Variants in ZGRF1 observed in about 807,000 individuals in gnomAD.
ZGRF1 encodes the protein 5'-3' DNA helicase ZGRF1.
In ZGRF1, 196 loss-of-function variants were observed where a neutral mutation model predicts 203.5. That is an observed-to-expected ratio of 0.96 (90% CI 0.86 to 1.08). ZGRF1 has a LOEUF of 1.08. Ranked by LOEUF, ZGRF1 falls within the 50% of genes least tolerant of loss-of-function variation. The pLI is 0.00. For synonymous variants in ZGRF1, 809 were observed against 841.3 expected, an observed-to-expected ratio of 0.96 and a Z score of 0.66; for missense variants, 2,326 against 2,416.3, an observed-to-expected ratio of 0.96 and a Z score of 0.78.
At chr4:112,632,332 G>A (rs142348747) in intron 2 of ZGRF1, among the ~76,000 whole-genome samples, 2 of 151,988 alleles carry the variant, frequency 1.3e-5, no homozygotes, top group African/African-American at 4.8e-5. Context: ...AATGAGCATT[G>A]AAAGTAATTT....
At chr4:112,623,910 C>A (rs745601464) in intron 3 of ZGRF1, 34 bp from the exon 4 acceptor site, 1 of 1,124,668 alleles carries the variant, frequency 8.9e-7, no homozygotes, top group South Asian at 1.3e-5. Flanking sequence ...TAAAAAGGAA[C>A]AACACAATTA....
rs141043277 is a variant in ZGRF1 at position 112,634,415 on chromosome 4, C to T, written c.-66-1173G>A. On this transcript the variant is annotated intron_variant, in intron 1 of 27. Coordinates refer to ENST00000505019, the MANE Select transcript of ZGRF1 (RefSeq NM_018392.5). ...CTGTGATCCCAGCACTTTGGGAGGC[C>T]GAGACAGGTGGATCACCTGAGGTCA... 7.1e-3 allele frequency among the ~76,000 whole-genome samples: 1,086 copies of T among 152,144 alleles called. 32 individuals carry two copies. The East Asian group carries it at 0.094, about 13-fold the overall frequency.
chr4:112,556,517 G>A (rs1183052816), intron 20 of ZGRF1, among the ~76,000 whole-genome samples: 1 of 152,138 alleles, frequency 6.6e-6, no homozygotes, highest in Non-Finnish European at 1.5e-5. Flanking sequence ...AGCTGCCCAA[G>A]TAGCTGGAAT....
chr4:112,621,424 C>T (rs771430199), intron 4 of ZGRF1, among the ~76,000 whole-genome samples: 2 of 151,920 alleles, frequency 1.3e-5, no homozygotes, highest in East Asian at 2.0e-4. Context: ...CCGAGGTGGG[C>T]GGATCACCTG....
At chr4:112,549,965 G>A (rs1265731656) in intron 22 of ZGRF1, among the ~76,000 whole-genome samples, 1 of 152,042 alleles carries the variant, frequency 6.6e-6, no homozygotes, top group Non-Finnish European at 1.5e-5. Flanking sequence ...GGCTGAGGCG[G>A]GCAGATCACG....
At chr4:112,613,068 C>T (rs1374401604) in intron 6 of ZGRF1, among the ~76,000 whole-genome samples, 1 of 152,114 alleles carries the variant, frequency 6.6e-6, no homozygotes, top group African/African-American at 2.4e-5. Flanking sequence ...CCAAGGCAGG[C>T]AGATCACTTG....
intron 1 of ZGRF1, among the ~76,000 whole-genome samples, chr4:112,633,936 G>C (rs1161111694): frequency 6.6e-6 from 1 of 152,168 alleles, no homozygotes. Context: ...AAGTCAGAAA[G>C]TCTGGGGTTG....
In ZGRF1 at chr4:112,540,807, T is replaced by G; in HGVS notation, c.5910+14A>C. 1 of 1,573,180 alleles carries G rather than the reference T, an allele frequency of 6.4e-7. No individual in the cohort carries two copies. Among genetic ancestry groups the G allele is most frequent in the Non-Finnish European group, 8.7e-7 (1 of 1,155,368 alleles). On this transcript the variant is annotated intron_variant, in intron 26 of 27. Coordinates refer to ENST00000505019, the MANE Select transcript of ZGRF1 (RefSeq NM_018392.5). ...ATTTAATATATGGCAAATACTGTAA[T>G]ACATAATACCAACCTTGTACATCTG...
chr4:112,571,102 C>CAAA (rs11423362), intron 16 of ZGRF1, among the ~76,000 whole-genome samples: 1 of 121,702 alleles, frequency 8.2e-6, no homozygotes. Context: ...GACTGCATTT[C>CAAA]AAAAAAAAAA....
Position 112,630,355 on chromosome 4 carries a change from T to C in ZGRF1, c.102+1575A>G, listed in dbSNP as rs980141364. ...CAACATGGTGAAACTCCGTGTCTAT[T>C]AAAAATACAAAAAGTAGCTGAGCAT... On this transcript the variant is annotated intron_variant, in intron 3 of 27. Coordinates refer to ENST00000505019, the MANE Select transcript of ZGRF1 (RefSeq NM_018392.5). 4.0e-5 allele frequency among the ~76,000 whole-genome samples: 6 copies of C among 151,658 alleles called. No individual in the cohort carries two copies. In the East Asian group the frequency reaches 1.2e-3, roughly 30 times the overall value.
At chr4:112,573,422 G>A (rs1037924878) in intron 16 of ZGRF1, among the ~76,000 whole-genome samples, 6 of 152,058 alleles carry the variant, frequency 3.9e-5, no homozygotes, top group African/African-American at 1.4e-4. Flanking sequence ...GGGGGGCAGT[G>A]AAGGATAAAA....
At chr4:112,558,455 C>T (rs1387242627) in intron 19 of ZGRF1, 146 bp from the exon 20 acceptor site, 1 of 583,514 alleles carries the variant, frequency 1.7e-6, no homozygotes, top group Non-Finnish European at 2.6e-6. Flanking sequence ...GTAACCTCCA[C>T]CTCCCAGGTT....
intron 3 of ZGRF1, among the ~76,000 whole-genome samples, chr4:112,624,911 A>G (rs2047181777): frequency 6.6e-6 from 1 of 152,208 alleles, no homozygotes; most frequent in Non-Finnish European, 1.5e-5. Context: ...TGCTCATAGC[A>G]GCATTATTCA....
At chr4:112,607,145 G>T (rs1375909260) in intron 8 of ZGRF1, among the ~76,000 whole-genome samples, 3 of 151,434 alleles carry the variant, frequency 2.0e-5, no homozygotes, top group Non-Finnish European at 2.9e-5. Context: ...TTTTTTAAGA[G>T]ACAGGGTCTT....
intron 9 of ZGRF1, among the ~76,000 whole-genome samples, chr4:112,605,160 C>T (rs1198254739): frequency 2.6e-5 from 4 of 151,014 alleles, no homozygotes; most frequent in South Asian, 2.1e-4. Context: ...TACATTACCT[C>T]CCCCACTTTT....
In ZGRF1 at chr4:112,632,102, T is replaced by C. The variant is rs541937026; in HGVS notation, c.22-92A>G. 140 of 535,218 alleles carry C rather than the reference T, an allele frequency of 2.6e-4. 2 individuals are homozygous for C. The Middle Eastern group carries it at 4.8e-3, about 18-fold the overall frequency. 33.2% of individuals were successfully genotyped at this position (535,218 alleles called of 1,614,324 possible). ...ATCCTTCCTACATACAAAATATATT[T>C]AAGGCACCTTTCATCAAAAAAAGGC... On this transcript the variant is annotated intron_variant, in intron 2 of 27. Coordinates refer to ENST00000505019, the MANE Select transcript of ZGRF1 (RefSeq NM_018392.5).
At position 112,572,066 on chromosome 4, in the gene ZGRF1, T is replaced by C. The variant is rs180928459; in HGVS notation, c.4439-8792A>G. 5.5e-3 allele frequency among the ~76,000 whole-genome samples: 839 copies of C among 152,126 alleles called. 6 individuals carry two copies. The highest frequency in any genetic ancestry group is 0.019 in the African/African-American group (782 of 41,488). On this transcript the variant is annotated intron_variant, in intron 16 of 27. Transcript: ENST00000505019. ...AAAATGGTTACTATTCTAGCAAAAT[T>C]GGTAATTAAAAAGAAAAAGATGAAA...
intron 16 of ZGRF1, among the ~76,000 whole-genome samples, chr4:112,576,974 C>T (rs4484364): frequency 0.6 from 89,944 of 149,502 alleles, 27,903 homozygotes; most frequent in East Asian, 0.95. Context: ...CACACATAAT[C>T]GTCAGATTCA....
chr4:112,617,323 A>G, intron 6 of ZGRF1, 117 bp downstream of exon 6: 1 of 686,930 alleles, frequency 1.5e-6, no homozygotes, highest in Non-Finnish European at 2.3e-6. Flanking sequence ...AAGTACATGT[A>G]TTACCTATTT....
Sources: allele counts gnomAD v4.1 joint callset (sites outside exome capture counted in the v4.1 genomes callset), GRCh38; gene constraint gnomAD v4.1.1; transcripts MANE v1.5; gene names NCBI Gene and HGNC (gene_info 2026-07-23, HGNC 2026-07-21).